Variants in PCSK5 observed in about 807,000 individuals in gnomAD.
PCSK5 encodes proprotein convertase subtilisin/kexin type 5.
Under a neutral mutation model 233.2 loss-of-function variants are expected in PCSK5, and 129 were observed. That is an observed-to-expected ratio of 0.55 (90% CI 0.48 to 0.64). The LOEUF is 0.64. PCSK5 is among the 30% of genes least tolerant of loss of function. The probability of loss-of-function intolerance (pLI) is 0.00; values close to 1 mark genes in which losing one functional copy is unlikely to be tolerated. For missense variants in PCSK5, 2,076 were observed against 2,430.1 expected (o/e 0.85, Z 3.06); for synonymous variants, 825 against 879.2 (o/e 0.94, Z 1.09).
intron 20 of PCSK5, among the ~76,000 whole-genome samples, chr9:76,222,387 T>C (rs142857228): frequency 6.6e-6 from 1 of 152,196 alleles, no homozygotes; most frequent in Non-Finnish European, 1.5e-5. Flanking sequence ...CTATTTTTAG[T>C]GTGTAGTTCT....
chr9:76,171,052 T>C (rs1160501344), intron 13 of PCSK5, among the ~76,000 whole-genome samples: 1 of 152,202 alleles, frequency 6.6e-6, no homozygotes, highest in Non-Finnish European at 1.5e-5. Context: ...TGTGCCCAGC[T>C]CACCTCCAGA....
intron 20 of PCSK5, among the ~76,000 whole-genome samples, chr9:76,211,960 T>C (rs1449337742): frequency 1.3e-5 from 2 of 152,190 alleles, no homozygotes; most frequent in East Asian, 1.9e-4. Context: ...CACTGCACCT[T>C]TTACCTGCTA....
chr9:75,959,606 T>C (rs1288318019), intron 2 of PCSK5, among the ~76,000 whole-genome samples: 1 of 152,220 alleles, frequency 6.6e-6, no homozygotes, highest in Non-Finnish European at 1.5e-5. Context: ...AGTTAACTTC[T>C]TGCTGAATGC....
intron 7 of PCSK5, among the ~76,000 whole-genome samples, chr9:76,073,645 A>G (rs144448004): frequency 1.3e-5 from 2 of 152,304 alleles, no homozygotes; most frequent in African/African-American, 4.8e-5. Context: ...TGGCTCTTAT[A>G]ATAAAGAGCA....
intron 9 of PCSK5, among the ~76,000 whole-genome samples, chr9:76,119,093 A>G (rs1013867461): frequency 4.6e-5 from 7 of 152,086 alleles, no homozygotes; most frequent in Non-Finnish European, 8.8e-5. Context: ...GTTGTTGGAA[A>G]TTAGGTGCTG....
rs564962991 is a variant in PCSK5 at position 76,175,224 on chromosome 9, A to G, written c.1900+95A>G. The G allele has an allele frequency of 8.5e-6, 7 of 819,760 alleles. No individual in the cohort carries two copies. The East Asian group carries it at 2.5e-4, about 29-fold the overall frequency. The allele number at this position is 819,760 out of a possible 1,614,324, so 50.8% of individuals were successfully genotyped here. ...ACAGAATGGAATGGAATGGAATGAAATGGAATGGAATGAAATGGAATGGAA... is the reference window on the plus strand; with the variant it reads ...ACAGAATGGAATGGAATGGAATGAAGTGGAATGGAATGAAATGGAATGGAA... On this transcript the variant is annotated intron_variant, in intron 14 of 37. Coordinates refer to ENST00000674117, the MANE Select transcript of PCSK5 (RefSeq NM_001372043.1).
intron 28 of PCSK5, among the ~76,000 whole-genome samples, chr9:76,307,116 A>G (rs1187875443): frequency 1.4e-5 from 2 of 143,776 alleles, no homozygotes; most frequent in African/African-American, 5.2e-5. Context: ...ACAATCCTAT[A>G]AGGGCAGAAT....
intron 5 of PCSK5, among the ~76,000 whole-genome samples, chr9:76,046,440 T>G (rs1477512548): frequency 6.6e-6 from 1 of 151,484 alleles, no homozygotes; most frequent in East Asian, 1.9e-4. Flanking sequence ...CCTCCCAAAG[T>G]GCTGGGATTA....
chr9:75,949,653 A>G (rs1053048211), intron 2 of PCSK5, among the ~76,000 whole-genome samples: 1 of 151,776 alleles, frequency 6.6e-6, no homozygotes, highest in Admixed American at 6.6e-5. Context: ...CCAGCCTCCC[A>G]AGTAGCTGGG....
chr9:76,006,177 A>G (rs1827470894), intron 3 of PCSK5, among the ~76,000 whole-genome samples: 1 of 152,102 alleles, frequency 6.6e-6, no homozygotes, highest in African/African-American at 2.4e-5. Context: ...ATTCTTAGGC[A>G]TTTGAATTAC....
intron 24 of PCSK5, among the ~76,000 whole-genome samples, chr9:76,251,378 A>G (rs995869779): frequency 6.6e-6 from 1 of 152,026 alleles, no homozygotes; most frequent in Admixed American, 6.6e-5. Context: ...CCTGGCCAAG[A>G]TGGTGAAACC....
intron 27 of PCSK5, among the ~76,000 whole-genome samples, chr9:76,297,854 A>G (rs1295581618): frequency 1.3e-5 from 2 of 152,114 alleles, no homozygotes; most frequent in African/African-American, 4.8e-5. Flanking sequence ...AGGCACGTCC[A>G]TGGCTGCTGT....
Position 76,007,796 on chromosome 9 carries a change from TTGTGTGTGTGTG to T in PCSK5, c.412-15908_412-15897del, listed in dbSNP as rs59860078. ...CGCCTGTCACCATGCCCGGCTAATT[TTGTGTGTGTGTG>T]TGTGTGTGTGTGTGTGTGTGTGTGT... On this transcript the variant is annotated intron_variant, in intron 3 of 37. Transcript: ENST00000674117. 3.6e-3 allele frequency among the ~76,000 whole-genome samples: 462 copies of T among 128,308 alleles called. 6 individuals carry two copies. Among genetic ancestry groups the T allele is most frequent in the African/African-American group, 0.012 (403 of 33,750 alleles). 84.2% of individuals were successfully genotyped at this position (128,308 alleles called of 152,430 possible).
intron 20 of PCSK5, among the ~76,000 whole-genome samples, chr9:76,212,515 G>A (rs970671937): frequency 3.9e-5 from 6 of 152,192 alleles, no homozygotes; most frequent in African/African-American, 9.7e-5. Context: ...GTGGTTAAAC[G>A]CACAGTGCTA....
rs574401662 is a variant in PCSK5 at position 75,972,343 on chromosome 9, G to T, written c.298-13789G>T. Among the ~76,000 whole-genome samples the T allele has an allele frequency of 7.2e-5, 11 of 152,270 alleles. No individual in the cohort carries two copies. The South Asian group carries it at 2.3e-3, about 32-fold the overall frequency. On this transcript the variant is annotated intron_variant, in intron 2 of 37. Coordinates refer to ENST00000674117, the MANE Select transcript of PCSK5 (RefSeq NM_001372043.1). ...CTCCAGCATTGTTCTTTTTGCTTAGGATTGTCTTGGCTATATGAGCTCTTT... is the reference window on the plus strand; with the variant it reads ...CTCCAGCATTGTTCTTTTTGCTTAGTATTGTCTTGGCTATATGAGCTCTTT...
At chr9:76,105,367 CA>C (rs1437681434) in intron 8 of PCSK5, among the ~76,000 whole-genome samples, 2 of 152,004 alleles carry the variant, frequency 1.3e-5, no homozygotes, top group African/African-American at 4.8e-5. Context: ...CGGTGGTTGC[CA>C]GGGGGCAAGG....
chr9:76,175,360 G>T, intron 14 of PCSK5: 1 of 513,858 alleles, frequency 1.9e-6, no homozygotes, highest in East Asian at 3.0e-5. Context: ...CCCATATTCT[G>T]ACATATTTTC....
intron 24 of PCSK5, among the ~76,000 whole-genome samples, chr9:76,244,809 A>G (rs1386847986): frequency 6.6e-6 from 1 of 152,172 alleles, no homozygotes; most frequent in African/African-American, 2.4e-5. Context: ...ATACTTTGAG[A>G]CGAAATAAGG....
intron 12 of PCSK5, among the ~76,000 whole-genome samples, chr9:76,162,894 C>T (rs757850737): frequency 6.6e-6 from 1 of 152,166 alleles, no homozygotes; most frequent in Non-Finnish European, 1.5e-5. Context: ...ACGTGGAAAA[C>T]TCCCCAAGGC....
Sources: gnomAD v4.1 joint callset for allele counts (sites outside exome capture counted in the v4.1 genomes callset) on GRCh38, gnomAD v4.1.1 for gene constraint, MANE v1.5 for transcripts, NCBI Gene and HGNC (gene_info 2026-07-23, HGNC 2026-07-21) for gene names.